CRIM1: variants seen among roughly 807,000 people sequenced by gnomAD.
CRIM1 encodes cysteine-rich motor neuron 1 protein.
In CRIM1, 32 loss-of-function variants were observed where a neutral mutation model predicts 116.4. The ratio of observed to expected loss-of-function variants is 0.27; its 90% CI spans 0.21 to 0.37. The LOEUF (loss-of-function observed/expected upper bound fraction) is 0.37. Among genes scored for constraint, CRIM1 ranks in the 10% least tolerant of loss-of-function variants. The pLI, the probability that CRIM1 is intolerant of heterozygous loss-of-function variation, is 1.00. For synonymous variants in CRIM1, 590 were observed against 509.2 expected (o/e 1.16, Z -2.13); for missense variants, 1,331 against 1,354.8 (o/e 0.98, Z 0.28).
intron 2 of CRIM1, among the ~76,000 whole-genome samples, chr2:36,433,290 T>A (rs1675040527): frequency 6.6e-6 from 1 of 152,180 alleles, no homozygotes; most frequent in Admixed American, 6.5e-5. Flanking sequence ...AAGTAACAAA[T>A]CTCTAATCTA....
intron 5 of CRIM1, among the ~76,000 whole-genome samples, chr2:36,467,070 C>T (rs1333068537): frequency 1.3e-5 from 2 of 152,216 alleles, no homozygotes; most frequent in African/African-American, 4.8e-5. Context: ...GGCCTGTCCT[C>T]ATTTATTGCC....
intron 7 of CRIM1, among the ~76,000 whole-genome samples, chr2:36,497,493 T>C (rs559417579): frequency 6.6e-6 from 1 of 152,314 alleles, no homozygotes; most frequent in East Asian, 1.9e-4. Flanking sequence ...ATGTTTGCAG[T>C]AAATTTTAAG....
At chr2:36,388,411 A>T (rs982158357) in intron 1 of CRIM1, among the ~76,000 whole-genome samples, 2 of 152,232 alleles carry the variant, frequency 1.3e-5, no homozygotes, top group African/African-American at 2.4e-5. Flanking sequence ...CCATAGGCAT[A>T]TGATTCTCTG....
In CRIM1 at chr2:36,441,309, G is replaced by A. The variant is rs748244680; in HGVS notation, c.557G>A (p.Arg186His). The A allele has an allele frequency of 1.1e-5, 17 of 1,614,034 alleles. No homozygotes were observed. Among genetic ancestry groups the A allele is most frequent in the Admixed American group, 8.3e-5 (5 of 60,008 alleles). ...CGCTGTGAAGTCCAGTTCTCTCCAC[G>A]TTGTCCTGAAGATTCTGTTCTGATC... ...KARCEVQFSPRCPEDSVLIEG... is the reference protein window; with the variant it reads ...KARCEVQFSPHCPEDSVLIEG... The change falls in exon 3 of 17, where the codon CGT becomes CAT. Residue 186 changes from arginine (R) to histidine (H), a missense_variant. Arg to His is a conservative substitution (Grantham distance 29). Coordinates refer to ENST00000280527, the MANE Select transcript of CRIM1 (RefSeq NM_016441.3).
chr2:36,484,189 A>G (rs776031378), intron 7 of CRIM1, among the ~76,000 whole-genome samples: 1 of 152,132 alleles, frequency 6.6e-6, no homozygotes, highest in Non-Finnish European at 1.5e-5. Flanking sequence ...GGCTTCCCAG[A>G]CCCTCTAAGG....
At chr2:36,454,685 T>C (rs867270995) in intron 4 of CRIM1, among the ~76,000 whole-genome samples, 1 of 152,192 alleles carries the variant, frequency 6.6e-6, no homozygotes, top group African/African-American at 2.4e-5. Flanking sequence ...GTCACTGATA[T>C]TTAAAAACTG....
intron 2 of CRIM1, among the ~76,000 whole-genome samples, chr2:36,413,679 T>C (rs892418345): frequency 3.9e-5 from 6 of 152,230 alleles, no homozygotes; most frequent in African/African-American, 1.4e-4. Flanking sequence ...AGCGATCTCT[T>C]ATTTTGAGCT....
chr2:36,451,694 G>C (rs1360664771), intron 4 of CRIM1, among the ~76,000 whole-genome samples: 1 of 152,156 alleles, frequency 6.6e-6, no homozygotes, highest in Admixed American at 6.5e-5. Context: ...CCATAACTCT[G>C]CGGTTTGAAG....
intron 7 of CRIM1, among the ~76,000 whole-genome samples, chr2:36,482,262 G>A (rs1679477384): frequency 6.6e-6 from 1 of 152,092 alleles, no homozygotes; most frequent in Admixed American, 6.5e-5. Context: ...TAGTTGAGTA[G>A]TGAGTTTCAT....
chr2:36,530,359 C>T (rs1666029484), intron 13 of CRIM1, among the ~76,000 whole-genome samples: 1 of 152,112 alleles, frequency 6.6e-6, no homozygotes, highest in Non-Finnish European at 1.5e-5. Flanking sequence ...ATTACAATTT[C>T]CATGTGTTTA....
chr2:36,380,698 A>G (rs962448076), intron 1 of CRIM1, among the ~76,000 whole-genome samples: 2 of 152,210 alleles, frequency 1.3e-5, no homozygotes, highest in African/African-American at 4.8e-5. Flanking sequence ...TGCCCTCCGA[A>G]TGAAAGTGGT....
intron 7 of CRIM1, among the ~76,000 whole-genome samples, chr2:36,495,471 A>ATTTTTT (rs1395233806): frequency 1.5e-5 from 2 of 134,128 alleles, no homozygotes; most frequent in Non-Finnish European, 3.2e-5. Context: ...TTATTTATTT[A>ATTTTTT]TTTATTTTTT....
At chr2:36,373,368 A>G (rs1277734016) in intron 1 of CRIM1, among the ~76,000 whole-genome samples, 1 of 152,226 alleles carries the variant, frequency 6.6e-6, no homozygotes, top group Non-Finnish European at 1.5e-5. Context: ...GGAGAGAACC[A>G]GAGAAGTGGG....
At chr2:36,528,437 T>G (rs1454641912) in intron 13 of CRIM1, among the ~76,000 whole-genome samples, 1 of 152,242 alleles carries the variant, frequency 6.6e-6, no homozygotes, top group Non-Finnish European at 1.5e-5. Flanking sequence ...ACCACACTGT[T>G]CTTTCATACC....
At chr2:36,468,368 T>G (rs1238763923) in intron 5 of CRIM1, among the ~76,000 whole-genome samples, 1 of 152,200 alleles carries the variant, frequency 6.6e-6, no homozygotes, top group Non-Finnish European at 1.5e-5. Context: ...TCCATAAATA[T>G]TACTTTGTTT....
chr2:36,449,701 A>G (rs1196907861), intron 4 of CRIM1, among the ~76,000 whole-genome samples: 2 of 152,292 alleles, frequency 1.3e-5, no homozygotes, highest in East Asian at 3.9e-4. Flanking sequence ...GAAGGAACCC[A>G]AGCCGCTAGC....
At chr2:36,537,231 A>C in intron 13 of CRIM1, 121 bp from the exon 14 acceptor site, 1 of 916,476 alleles carries the variant, frequency 1.1e-6, no homozygotes, top group Non-Finnish European at 1.6e-6. Context: ...AGTTTCACCA[A>C]GTTCCAGAAG....
intron 2 of CRIM1, among the ~76,000 whole-genome samples, chr2:36,424,206 G>T (rs1291707020): frequency 6.6e-6 from 1 of 151,424 alleles, no homozygotes; most frequent in African/African-American, 2.4e-5. Flanking sequence ...ATTTTATAAA[G>T]TAGGTTGTGC....
At chr2:36,399,869 A>G (rs1672290806) in intron 2 of CRIM1, among the ~76,000 whole-genome samples, 2 of 152,236 alleles carry the variant, frequency 1.3e-5, no homozygotes, top group South Asian at 4.1e-4. Context: ...GGAAAATGTA[A>G]ACAGACATCT....
Sources: allele counts gnomAD v4.1 joint callset (sites outside exome capture counted in the v4.1 genomes callset), GRCh38; gene constraint gnomAD v4.1.1; transcripts MANE v1.5; gene names NCBI Gene and HGNC (gene_info 2026-07-23, HGNC 2026-07-21).